The following USP1 variants were observed in gnomAD, a reference collection of about 807,000 sequenced individuals.
USP1 encodes the protein ubiquitin specific peptidase 1, also known as ubiquitin carboxyl-terminal hydrolase 1.
In USP1, 18 loss-of-function variants were observed where a neutral mutation model predicts 72.2. The observed-to-expected ratio is 0.25, with a 90% CI of 0.17 to 0.37. The LOEUF (loss-of-function observed/expected upper bound fraction) is 0.37. Ranked by LOEUF, USP1 falls within the 10% of genes least tolerant of loss-of-function variation. USP1 has a pLI of 1.00. For missense variants in USP1, 759 were observed against 884.9 expected (o/e 0.86, Z 1.81); for synonymous variants, 354 against 303.7 (o/e 1.17, Z -1.72).
In USP1 at chr1:62,451,736, A is replaced by G. The variant is rs1392252330; in HGVS notation, c.*755A>G. ...TCAATAAAATTTAAACTGCTTAACT[A>G]TGTATATGAATATTTGAATTTTTTA... is the stretch of plus-strand genomic sequence containing the variant. On this transcript the variant is annotated 3_prime_UTR_variant, in exon 9 of 9. Coordinates refer to ENST00000339950, the MANE Select transcript of USP1 (RefSeq NM_003368.5). 6.6e-6 allele frequency: 1 copy of G among 152,554 alleles called. No homozygotes were observed. The highest frequency in any genetic ancestry group is 2.4e-5 in the African/African-American group (1 of 41,410). The allele number at this position is 152,554 out of a possible 1,614,324, so 9.5% of individuals were successfully genotyped here.
At position 62,448,623 on chromosome 1, in the gene USP1, G is replaced by A; in HGVS notation, c.1579G>A (p.Val527Ile). The A allele has an allele frequency of 6.2e-7, 1 of 1,613,552 alleles. No homozygotes were observed. The highest frequency in any genetic ancestry group is 1.1e-5 in the South Asian group (1 of 91,064). Residue 527 changes from valine (V) to isoleucine (I), a missense_variant, in exon 8 of 9, where the codon GTT becomes ATT. Val to Ile is a conservative substitution (Grantham distance 29). Around this residue, in one of 9 missense-constraint regions of USP1, gnomAD observed 140 missense variants for 222.8 expected, o/e 0.63. Transcript: ENST00000339950. ...TCTTTTGTTTGACAAAATGCCTGAA[G>A]TTATAACTATTCATTTGAAGTGCTT... is the stretch of plus-strand genomic sequence containing the variant. Reference protein sequence around the residue: ...RSLLFDKMPEVITIHLKCFAA... With the variant: ...RSLLFDKMPEIITIHLKCFAA...
At chr1:62,445,894 G>A (rs562831821) in intron 6 of USP1, among the ~76,000 whole-genome samples, 15 of 152,178 alleles carry the variant, frequency 9.9e-5, no homozygotes, top group African/African-American at 1.4e-4. Flanking sequence ...CAGGAGAATC[G>A]CCTGAACCCG....
chr1:62,451,056 T>C lies in USP1; in HGVS notation c.*75T>C. ...TGGTAAAGTTGATTACATCAAAGAA[T>C]CTTTAGCTTATCTTTTGAAGCTACT... On this transcript the variant is annotated 3_prime_UTR_variant, in exon 9 of 9. Coordinates refer to ENST00000339950, the MANE Select transcript of USP1 (RefSeq NM_003368.5). 1.4e-6 allele frequency: 2 copies of C among 1,382,378 alleles called. No individual in the cohort carries two copies. Among genetic ancestry groups the C allele is most frequent in the South Asian group, 3.0e-5 (2 of 66,852 alleles). The allele number at this position is 1,382,378 out of a possible 1,614,324, so 85.6% of individuals were successfully genotyped here. A position where few individuals can be genotyped will look rare whatever the true frequency, so the allele number is the denominator to read the frequency against.
intron 8 of USP1, 117 bp from the exon 9 acceptor site, chr1:62,450,129 A>G (rs911901529): frequency 1.6e-6 from 2 of 1,262,136 alleles, no homozygotes; most frequent in East Asian, 2.4e-5. Flanking sequence ...CTTTTCTGAT[A>G]TATGAACACT....
rs1645133054 is a variant in USP1, at chr1:62,441,395, A to G, written c.171-93A>G. 9 of 1,365,796 alleles carry G rather than the reference A, an allele frequency of 6.6e-6. No individual in the cohort carries two copies. The South Asian group carries it at 1.4e-4, about 21-fold the overall frequency. 84.6% of individuals were successfully genotyped at this position (1,365,796 alleles called of 1,614,324 possible). On this transcript the variant is annotated intron_variant, in intron 2 of 8. Transcript: ENST00000339950. ...GATTCACATACTTTTCAGATTATAC[A>G]ACTTTTGGGAAAAGACTAAATCTAC...
Position 62,450,691 on chromosome 1 carries a change from G to GTTGC in USP1, c.2070_2073dup (p.Ser692CysfsTer2), listed in dbSNP as rs1557559511. On this transcript the variant is annotated frameshift_variant, in exon 9 of 9. Coordinates refer to ENST00000339950, the MANE Select transcript of USP1 (RefSeq NM_003368.5). LOFTEE classifies it high-confidence loss of function. Reference sequence around the variant, plus strand: ...CAACAAAGCCTCTAATCCTGATAAGGTTGCTAGTACAGCGTTTGCTGAAAA... The same window carrying GTTGC: ...CAACAAAGCCTCTAATCCTGATAAGGTTGCTTGCTAGTACAGCGTTTGCTGAAAA... 6.2e-7 allele frequency: 1 copy of GTTGC among 1,614,172 alleles called. No homozygotes were observed. Among genetic ancestry groups the GTTGC allele is most frequent in the Non-Finnish European group, 8.5e-7 (1 of 1,180,014 alleles).
Position 62,437,344 on chromosome 1 carries a change from AT to A in USP1, c.-124del. Reference sequence around the variant, plus strand: ...GGACTCACCTGTCGCACCCACACTCATTCGGGTTGGACTTGCCGGCGTCACC... The same window carrying A: ...GGACTCACCTGTCGCACCCACACTCATCGGGTTGGACTTGCCGGCGTCACC... On this transcript the variant is annotated 5_prime_UTR_variant, in exon 1 of 9. The change abolishes the stop of an existing upstream ORF in the 5' untranslated region. Coordinates refer to ENST00000339950, the MANE Select transcript of USP1 (RefSeq NM_003368.5). 1 of 394,418 alleles carries A rather than the reference AT, an allele frequency of 2.5e-6. No individual in the cohort carries two copies. Among genetic ancestry groups the A allele is most frequent in the African/African-American group, 2.1e-5 (1 of 48,606 alleles). 24.4% of individuals were successfully genotyped at this position (394,418 alleles called of 1,614,324 possible).
chr1:62,447,607 G>A, intron 7 of USP1, 96 bp downstream of exon 7: 2 of 1,372,024 alleles, frequency 1.5e-6, no homozygotes, highest in South Asian at 1.5e-5. Flanking sequence ...TTAGGGAGGG[G>A]AAAAAAGCTA....
At chr1:62,442,996 T>G (rs1645144164) in intron 4 of USP1, among the ~76,000 whole-genome samples, 163 bp from the exon 5 acceptor site, 1 of 151,990 alleles carries the variant, frequency 6.6e-6, no homozygotes. Context: ...AGACCCTGTC[T>G]CAAAATAAAA....
intron 5 of USP1, 55 bp downstream of exon 5, chr1:62,443,374 T>G: frequency 6.8e-7 from 1 of 1,471,414 alleles, no homozygotes; most frequent in Non-Finnish European, 9.0e-7. Context: ...TTTATATCCT[T>G]GGAGGAGAAT....
Position 62,450,978 on chromosome 1 carries a change from A to C in USP1, c.2355A>C (p.Leu785Phe). Reference protein sequence around the residue: ...STPYLLFYKKL With the variant: ...STPYLLFYKKF ...CTTACTTGCTATTTTATAAGAAATT[A>C]TAGAGTGAGTGTATTTTCCTTGTGT... Residue 785 changes from leucine (L) to phenylalanine (F), a missense_variant, in exon 9 of 9, where the codon TTA (leucine) becomes TTC (phenylalanine). Leu to Phe is a conservative substitution (Grantham distance 22). This residue lies in a region of USP1 where 22 missense variants were observed against 23.4 expected (regional missense o/e 0.94). Transcript: ENST00000339950. The C allele has an allele frequency of 6.3e-7, 1 of 1,581,274 alleles. No homozygotes were observed. The highest frequency in any genetic ancestry group is 8.5e-7 in the Non-Finnish European group (1 of 1,169,984).
In USP1 at chr1:62,450,547, G is replaced by A. The variant is rs1557559355; in HGVS notation, c.1924G>A (p.Glu642Lys). 1.2e-6 allele frequency: 2 copies of A among 1,613,870 alleles called. No homozygotes were observed. The highest frequency in any genetic ancestry group is 8.5e-7 in the Non-Finnish European group (1 of 1,179,982). Residue 642 changes from glutamate to lysine, a missense_variant, in exon 9 of 9, where the codon GAA becomes AAA. Physicochemically the swap from Glu to Lys is moderately conservative, Grantham distance 56 (BLOSUM62 1). Coordinates refer to ENST00000339950, the MANE Select transcript of USP1 (RefSeq NM_003368.5). ...GGGTGTGGTTGAGAATTATAATGAT[G>A]AAGAAGTGTCAATTAGAGTTGGTGG... ...ARGVVENYNDEEVSIRVGGNT... is the reference protein window; with the variant it reads ...ARGVVENYNDKEVSIRVGGNT...
At position 62,443,457 on chromosome 1, in the gene USP1, G is replaced by C; in HGVS notation, c.557+138G>C. ...GGTCCACAGTCCTTTATATCCCAGAGACTCTGAATACTGGAAATTTTTTTC... is the reference window on the plus strand; with the variant it reads ...GGTCCACAGTCCTTTATATCCCAGACACTCTGAATACTGGAAATTTTTTTC... On this transcript the variant is annotated intron_variant, in intron 5 of 8. Transcript: ENST00000339950. 3 of 871,780 alleles carry C rather than the reference G, an allele frequency of 3.4e-6. No individual in the cohort carries two copies. In the South Asian group the frequency reaches 9.8e-5, roughly 28 times the overall value. The allele number at this position is 871,780 out of a possible 1,614,324, so 54.0% of individuals were successfully genotyped here. A position where few individuals can be genotyped will look rare whatever the true frequency, so the allele number is the denominator to read the frequency against.
intron 5 of USP1, among the ~76,000 whole-genome samples, chr1:62,444,222 GCAGTC>G (rs1458563524): frequency 7.0e-6 from 1 of 141,872 alleles, no homozygotes; most frequent in African/African-American, 2.7e-5. Context: ...TTGCGCCATT[GCAGTC>G]CAGTCTGGGC....
At chr1:62,449,354 C>T (rs994681156) in intron 8 of USP1, among the ~76,000 whole-genome samples, 3 of 152,044 alleles carry the variant, frequency 2.0e-5, no homozygotes, top group African/African-American at 7.2e-5. Flanking sequence ...TCAAACTAGT[C>T]TTTCAACAGT....
Position 62,443,235 on chromosome 1 carries a change from A to G in USP1, c.473A>G (p.Gln158Arg), listed in dbSNP as rs201408240. The G allele has an allele frequency of 4.3e-6, 7 of 1,614,086 alleles. No homozygotes were observed. Among genetic ancestry groups the G allele is most frequent in the Non-Finnish European group, 4.2e-6 (5 of 1,180,002 alleles). The change falls in exon 5 of 9, where the codon CAG becomes CGG. Residue 158 changes from glutamine to arginine, a missense_variant. Physicochemically the swap from Gln to Arg is conservative, Grantham distance 43. Transcript: ENST00000339950. Reference sequence around the variant, plus strand: ...CAGTCCTTAATCATTTCGGTTGAACAGCTCCAGGCTAGTTTTCTCTTAAAT... The same window carrying G: ...CAGTCCTTAATCATTTCGGTTGAACGGCTCCAGGCTAGTTTTCTCTTAAAT... Reference protein sequence around the residue: ...SLQSLIISVEQLQASFLLNPE... With the variant: ...SLQSLIISVERLQASFLLNPE...
At chr1:62,439,052 A>G (rs1645113686) in intron 1 of USP1, among the ~76,000 whole-genome samples, 1 of 152,342 alleles carries the variant, frequency 6.6e-6, no homozygotes, top group East Asian at 1.9e-4. Context: ...ATAACTAGAA[A>G]AGGCATTGGA....
intron 2 of USP1, among the ~76,000 whole-genome samples, chr1:62,441,009 A>AT (rs1273738708): frequency 1.6e-4 from 19 of 121,726 alleles, no homozygotes; most frequent in African/African-American, 7.3e-4. Flanking sequence ...GGATAGCTAC[A>AT]TATTTTTTTT....
In USP1 at chr1:62,448,602, T is replaced by A; in HGVS notation, c.1558T>A (p.Leu520Met). The change falls in exon 8 of 9, where the codon TTG (leucine) becomes ATG (methionine). Residue 520 changes from leucine to methionine, a missense_variant. Transcript: ENST00000339950. ...HHYTEAERSL[L>M]FDKMPEVITI... Reference sequence around the variant, plus strand: ...TTATACTGAAGCTGAACGAAGTCTTTTGTTTGACAAAATGCCTGAAGTTAT... The same window carrying A: ...TTATACTGAAGCTGAACGAAGTCTTATGTTTGACAAAATGCCTGAAGTTAT... The A allele has an allele frequency of 6.2e-7, 1 of 1,613,820 alleles. No homozygotes were observed. Among genetic ancestry groups the A allele is most frequent in the East Asian group, 2.2e-5 (1 of 44,798 alleles).
Sources: gnomAD v4.1 joint callset for allele counts (sites outside exome capture counted in the v4.1 genomes callset) on GRCh38, gnomAD v4.1.1 for gene constraint, gnomAD v4.1.1 regional missense constraint, MANE v1.5 for transcripts, NCBI Gene and HGNC (gene_info 2026-07-23, HGNC 2026-07-21) for gene names.